Variants in CCDC91 observed in about 807,000 individuals in gnomAD.
The protein encoded by CCDC91 is coiled-coil domain-containing protein 91.
A neutral mutation model predicts 63.2 loss-of-function variants in CCDC91; 48 were observed. The observed-to-expected ratio is 0.76, with a 90% CI of 0.60 to 0.97. CCDC91 has a LOEUF of 0.97. Ranked by LOEUF, CCDC91 falls within the 50% of genes least tolerant of loss-of-function variation. The pLI is 0.00. For synonymous variants in CCDC91, 167 were observed against 165.8 expected (o/e 1.01, Z -0.06); for missense variants, 500 against 494.6 (o/e 1.01, Z -0.10).
chr12:28,513,713 AT>A (rs1488701224), intron 12 of CCDC91, among the ~76,000 whole-genome samples: 6 of 151,750 alleles, frequency 4.0e-5, no homozygotes, highest in Non-Finnish European at 4.4e-5. Flanking sequence ...AAACATTTGT[AT>A]TTGATTTTCT....
chr12:28,483,011 A>G (rs1480629992), intron 11 of CCDC91, among the ~76,000 whole-genome samples: 1 of 151,998 alleles, frequency 6.6e-6, no homozygotes, highest in East Asian at 1.9e-4. Flanking sequence ...TAGTATGTAC[A>G]GTTTATCCCA....
chr12:28,527,342 G>C (rs537696115), intron 12 of CCDC91, among the ~76,000 whole-genome samples: 1 of 152,132 alleles, frequency 6.6e-6, no homozygotes, highest in African/African-American at 2.4e-5. Flanking sequence ...GGGGGTTCCC[G>C]AGAGCTGAGC....
At chr12:28,249,176 A>T (rs959326945) in intron 1 of CCDC91, among the ~76,000 whole-genome samples, 1 of 152,198 alleles carries the variant, frequency 6.6e-6, no homozygotes, top group Non-Finnish European at 1.5e-5. Flanking sequence ...AATGAGAGAA[A>T]TAACTTTAAA....
At chr12:28,329,421 C>G (rs1480870791) in intron 6 of CCDC91, among the ~76,000 whole-genome samples, 2 of 151,984 alleles carry the variant, frequency 1.3e-5, no homozygotes, top group Non-Finnish European at 2.9e-5. Context: ...ATAGGTGAAA[C>G]TGTTTTTCCA....
intron 1 of CCDC91, among the ~76,000 whole-genome samples, chr12:28,242,070 G>T (rs1945381093): frequency 6.8e-6 from 1 of 148,034 alleles, no homozygotes; most frequent in Non-Finnish European, 1.5e-5. Context: ...ATATAAAGTT[G>T]TTATAATATA....
At chr12:28,487,193 A>T (rs1951771568) in intron 12 of CCDC91, among the ~76,000 whole-genome samples, 1 of 151,890 alleles carries the variant, frequency 6.6e-6, no homozygotes, top group South Asian at 2.1e-4. Context: ...TATTACTTCC[A>T]CTTTGGGATT....
intron 8 of CCDC91, among the ~76,000 whole-genome samples, chr12:28,400,548 T>C (rs1592557681): frequency 6.6e-6 from 1 of 152,088 alleles, no homozygotes; most frequent in African/African-American, 2.4e-5. Context: ...AGAAAATGGG[T>C]TTTTCTTTTC....
At chr12:28,346,022 A>G (rs1942787054) in intron 6 of CCDC91, among the ~76,000 whole-genome samples, 1 of 151,870 alleles carries the variant, frequency 6.6e-6, no homozygotes, top group South Asian at 2.1e-4. Flanking sequence ...TTTTCCATGC[A>G]ATTTTTTTTT....
intron 12 of CCDC91, among the ~76,000 whole-genome samples, chr12:28,544,774 C>G (rs1008047215): frequency 1.3e-5 from 2 of 152,026 alleles, no homozygotes; most frequent in African/African-American, 4.8e-5. Flanking sequence ...AATTCACCAT[C>G]ATATTGCATT....
chr12:28,420,361 T>A (rs75913518), intron 8 of CCDC91, among the ~76,000 whole-genome samples: 1,936 of 152,282 alleles, frequency 0.013, 47 homozygotes, highest in African/African-American at 0.044. Flanking sequence ...AGCTGGACTT[T>A]GATGTTCACA....
In CCDC91 at chr12:28,301,602, C is replaced by T. The variant is rs147078139; in HGVS notation, c.110-4047C>T. Among the ~76,000 whole-genome samples the T allele has an allele frequency of 8.9e-3, 1,356 of 151,582 alleles. 55 individuals are homozygous for T. Among genetic ancestry groups the T allele is most frequent in the Admixed American group, 0.07 (1,062 of 15,202 alleles). ...TTGTAGTGTTAATGAAATTTTCCTT[C>T]ATTTTCAGTGTTCTTCTCAATTTTA... is the stretch of plus-strand genomic sequence containing the variant. On this transcript the variant is annotated intron_variant, in intron 3 of 12. Coordinates refer to ENST00000536442, the MANE Select transcript of CCDC91 (RefSeq NM_018318.5).
At chr12:28,491,861 TTGTGTGTGTGTGTGTGTG>T (rs35451448) in intron 12 of CCDC91, among the ~76,000 whole-genome samples, 1 of 145,144 alleles carries the variant, frequency 6.9e-6, no homozygotes, top group African/African-American at 2.5e-5. Flanking sequence ...GTCAAAAATT[TTGTGTGTGTGTGTGTGTG>T]TGTGTGTGTG....
chr12:28,313,524 G>C (rs1379888774), intron 6 of CCDC91, among the ~76,000 whole-genome samples: 1 of 151,992 alleles, frequency 6.6e-6, no homozygotes, highest in African/African-American at 2.4e-5. Flanking sequence ...TGTCTGACAA[G>C]AGAAAGAGTA....
chr12:28,317,147 A>T (rs1939979532), intron 6 of CCDC91, among the ~76,000 whole-genome samples: 1 of 151,870 alleles, frequency 6.6e-6, no homozygotes, highest in South Asian at 2.1e-4. Flanking sequence ...ACGTTTTGGG[A>T]CTATTGATGG....
intron 1 of CCDC91, among the ~76,000 whole-genome samples, chr12:28,200,645 A>G (rs1942158097): frequency 6.6e-6 from 1 of 151,388 alleles, no homozygotes; most frequent in African/African-American, 2.4e-5. Context: ...TTAGTACAGA[A>G]CAAAATGAAA....
At chr12:28,199,443 C>T (rs1164809272) in intron 1 of CCDC91, among the ~76,000 whole-genome samples, 2 of 152,092 alleles carry the variant, frequency 1.3e-5, no homozygotes, top group Non-Finnish European at 2.9e-5. Flanking sequence ...TTGATTTATG[C>T]AGCTGTCTTT....
chr12:28,228,370 C>T (rs1393877474), intron 1 of CCDC91, among the ~76,000 whole-genome samples: 9 of 152,056 alleles, frequency 5.9e-5, no homozygotes, highest in Non-Finnish European at 1.3e-4. Context: ...TATACGTTTG[C>T]AAGTCTGTCT....
chr12:28,336,237 G>A (rs1311589044), intron 6 of CCDC91, among the ~76,000 whole-genome samples: 1 of 152,026 alleles, frequency 6.6e-6, no homozygotes, highest in Non-Finnish European at 1.5e-5. Flanking sequence ...TGTCTAGCCT[G>A]GTTAGTTGTG....
intron 12 of CCDC91, among the ~76,000 whole-genome samples, chr12:28,546,332 T>A (rs1942987338): frequency 6.6e-6 from 1 of 152,122 alleles, no homozygotes; most frequent in African/African-American, 2.4e-5. Flanking sequence ...TTCTTACAAA[T>A]GCCCACTAAT....
Sources: allele counts gnomAD v4.1 joint callset (sites outside exome capture counted in the v4.1 genomes callset), GRCh38; gene constraint gnomAD v4.1.1; transcripts MANE v1.5; gene names NCBI Gene and HGNC (gene_info 2026-07-23, HGNC 2026-07-21).